The following FCHO1 variants were observed in gnomAD, a reference collection of about 807,000 sequenced individuals.
FCHO1 encodes the protein FCH and mu domain containing endocytic adaptor 1, also known as F-BAR domain only protein 1.
Under a neutral mutation model 114.4 loss-of-function variants are expected in FCHO1, and 45 were observed. The ratio of observed to expected loss-of-function variants is 0.39; its 90% CI spans 0.31 to 0.50. FCHO1 has a LOEUF of 0.50. Among genes scored for constraint, FCHO1 ranks in the 20% least tolerant of loss-of-function variants. The pLI is 0.77. For synonymous variants in FCHO1, 480 were observed against 488.9 expected (o/e 0.98, Z 0.24); for missense variants, 1,042 against 1,209.6 (o/e 0.86, Z 2.06).
chr19:17,788,243 C>T, intron 28 of FCHO1, 41 bp from the exon 29 acceptor site: 2 of 1,211,184 alleles, frequency 1.7e-6, no homozygotes, highest in Non-Finnish European at 2.4e-6. Context: ...CTCCCGTACC[C>T]CTCCTCCCCA....
At chr19:17,748,228 C>T (rs2081038108), upstream of FCHO1, among the ~76,000 whole-genome samples, 1 of 152,134 alleles carries the variant, frequency 6.6e-6, no homozygotes, top group South Asian at 2.1e-4. Context: ...CCAGCTCCGG[C>T]CTGCAGACCA....
At chr19:17,778,055 G>T (rs1312471343) in intron 18 of FCHO1, 82 bp from the exon 19 acceptor site, 7 of 945,174 alleles carry the variant, frequency 7.4e-6, no homozygotes, top group Non-Finnish European at 1.2e-5. Flanking sequence ...AAAAAAGACT[G>T]GGAACAGCAT....
intron 24 of FCHO1, among the ~76,000 whole-genome samples, 173 bp downstream of exon 24, chr19:17,783,345 C>A (rs759488318): frequency 9.9e-5 from 15 of 151,566 alleles, no homozygotes; most frequent in Non-Finnish European, 2.2e-4. Flanking sequence ...CGGCTCACTG[C>A]AACTCCGCCT....
Position 17,770,591 on chromosome 19 carries a change from G to A in FCHO1, c.489+14G>A. The A allele has an allele frequency of 1.2e-6, 2 of 1,605,332 alleles. No homozygotes were observed. The highest frequency in any genetic ancestry group is 8.5e-7 in the Non-Finnish European group (1 of 1,174,562). On this transcript the variant is annotated intron_variant, in intron 8 of 28. Coordinates refer to ENST00000596536, the MANE Select transcript of FCHO1 (RefSeq NM_015122.3). ...GAGATGGACAAGGTGGGCTCACAGT[G>A]GGGGGGTTCTGAGGAATTTGCCGCG...
intron 24 of FCHO1, 51 bp downstream of exon 24, chr19:17,783,223 G>C (rs1469452537): frequency 6.4e-7 from 1 of 1,556,328 alleles, no homozygotes; most frequent in African/African-American, 1.4e-5. Flanking sequence ...TGGGGATCAG[G>C]CTTCCGGACT....
intron 7 of FCHO1, among the ~76,000 whole-genome samples, chr19:17,768,620 G>C (rs1310210465): frequency 4.0e-5 from 6 of 151,822 alleles, no homozygotes; most frequent in Non-Finnish European, 8.8e-5. Context: ...CTTGAGCCTG[G>C]GAGGTGGAGG....
intron 7 of FCHO1, among the ~76,000 whole-genome samples, chr19:17,770,218 T>G (rs1207806350): frequency 6.6e-6 from 1 of 152,086 alleles, no homozygotes; most frequent in Non-Finnish European, 1.5e-5. Context: ...GGAGAATTGC[T>G]TGAAACCGGG....
At position 17,774,459 on chromosome 19, in the gene FCHO1, C is replaced by A. The variant is rs1599706219; in HGVS notation, c.901C>A (p.Pro301Thr). The A allele has an allele frequency of 1.9e-6, 3 of 1,613,208 alleles. No homozygotes were observed. In the South Asian group the frequency reaches 3.3e-5, roughly 18 times the overall value. Residue 301 changes from proline to threonine, a missense_variant, in exon 13 of 29, where the codon CCA becomes ACA. This residue lies in a region of FCHO1 where 450 missense variants were observed against 564.1 expected (regional missense o/e 0.80). Coordinates refer to ENST00000596536, the MANE Select transcript of FCHO1 (RefSeq NM_015122.3). Reference protein sequence around the residue: ...LPGLSRREREPEPPAAVDFLE... With the variant: ...LPGLSRRERETEPPAAVDFLE... ...AGGACTAAGCCGGCGGGAGCGGGAGCCAGAGCCACCTGCAGCTGTGTGAGG... is the reference window on the plus strand; with the variant it reads ...AGGACTAAGCCGGCGGGAGCGGGAGACAGAGCCACCTGCAGCTGTGTGAGG...
chr19:17,784,513 A>G lies in FCHO1; in HGVS notation c.2227-212A>G, dbSNP rs1257601423. 1.3e-5 allele frequency among the ~76,000 whole-genome samples: 2 copies of G among 152,022 alleles called. No homozygotes were observed. Among genetic ancestry groups the G allele is most frequent in the Non-Finnish European group, 2.9e-5 (2 of 67,990 alleles). ...CCCAGCCCCGGAACCTTACACTTGAACTTCCCTGGGAGACTTTGTTAGAAT... is the reference window on the plus strand; with the variant it reads ...CCCAGCCCCGGAACCTTACACTTGAGCTTCCCTGGGAGACTTTGTTAGAAT... On this transcript the variant is annotated intron_variant, in intron 25 of 28. Transcript: ENST00000596536. The surrounding 1 kb of genome is among the most constrained non-coding windows in gnomAD (Gnocchi z 5.3).
At chr19:17,777,962 G>A (rs182609124) in intron 18 of FCHO1, among the ~76,000 whole-genome samples, 175 bp from the exon 19 acceptor site, 11 of 152,166 alleles carry the variant, frequency 7.2e-5, no homozygotes, top group Non-Finnish European at 1.0e-4. Flanking sequence ...TCGCTTGAAC[G>A]CAGGAAGCGG....
At chr19:17,785,975 A>AT (rs200061044) in intron 26 of FCHO1, among the ~76,000 whole-genome samples, 22 of 150,486 alleles carry the variant, frequency 1.5e-4, no homozygotes, top group Admixed American at 6.0e-4. Context: ...AAAAACAAAA[A>AT]TTTAAAAAAA....
Position 17,784,315 on chromosome 19 carries a change from C to G in FCHO1, c.2226+80C>G. On this transcript the variant is annotated intron_variant, in intron 25 of 28. Transcript: ENST00000596536. This position sits in a 1 kb window ranked among gnomAD's most constrained non-coding sequence, Gnocchi z 5.3. Reference sequence around the variant, plus strand: ...CCGGCAGCAGACATGGAGGCGCCTGCGTGTTGGCCAGGCTGGTCTCGAATT... The same window carrying G: ...CCGGCAGCAGACATGGAGGCGCCTGGGTGTTGGCCAGGCTGGTCTCGAATT... 6.6e-7 allele frequency: 1 copy of G among 1,503,918 alleles called. No individual in the cohort carries two copies. Among genetic ancestry groups the G allele is most frequent in the Admixed American group, 2.1e-5 (1 of 48,654 alleles). The allele number at this position is 1,503,918 out of a possible 1,614,324, so 93.2% of individuals were successfully genotyped here.
intron 4 of FCHO1, among the ~76,000 whole-genome samples, chr19:17,756,802 A>T (rs2083720943): frequency 6.6e-6 from 1 of 152,154 alleles, no homozygotes; most frequent in South Asian, 2.1e-4. Flanking sequence ...CCCCAGTCTC[A>T]TTGCGCCAGG....
chr19:17,759,844 G>C (rs1018808869), intron 4 of FCHO1, among the ~76,000 whole-genome samples: 1 of 151,786 alleles, frequency 6.6e-6, no homozygotes, highest in Admixed American at 6.6e-5. Context: ...AATCTATATT[G>C]GTCTTGCTTT....
chr19:17,785,240 G>A (rs1336785742), intron 26 of FCHO1, among the ~76,000 whole-genome samples: 7 of 152,144 alleles, frequency 4.6e-5, no homozygotes. Flanking sequence ...TTTACTTTGA[G>A]ATGAAGTCTC....
intron 13 of FCHO1, 91 bp downstream of exon 13, chr19:17,774,569 C>G: frequency 1.0e-6 from 1 of 999,300 alleles, no homozygotes; most frequent in Non-Finnish European, 1.5e-6. Flanking sequence ...CCTAGGATAG[C>G]CCAGGAGTAT....
chr19:17,763,507 G>A (rs965074026), intron 5 of FCHO1, among the ~76,000 whole-genome samples: 124 of 148,302 alleles, frequency 8.4e-4, no homozygotes, highest in Admixed American at 5.4e-4. Context: ...CAGGCGATCC[G>A]CCCGCCTCAG....
intron 7 of FCHO1, among the ~76,000 whole-genome samples, chr19:17,768,722 AAG>A (rs1491253858): frequency 4.8e-5 from 6 of 125,244 alleles, no homozygotes; most frequent in Non-Finnish European, 8.6e-5. Context: ...AAAAAAAAAA[AAG>A]GAGAGAGAGA....
chr19:17,768,991 A>T (rs2090443450), intron 7 of FCHO1, among the ~76,000 whole-genome samples: 1 of 151,266 alleles, frequency 6.6e-6, no homozygotes, highest in Admixed American at 6.6e-5. Flanking sequence ...TCTTAAAAAA[A>T]AAAGCTGGGC....
Sources: allele counts gnomAD v4.1 joint callset (sites outside exome capture counted in the v4.1 genomes callset), GRCh38; gene constraint gnomAD v4.1.1; regional missense constraint gnomAD v4.1.1; non-coding constraint Gnocchi (gnomAD v3.1); transcripts MANE v1.5; gene names NCBI Gene and HGNC (gene_info 2026-07-23, HGNC 2026-07-21).